Variants in SPG11 observed in about 807,000 individuals in gnomAD.
SPG11 encodes SPG11 vesicle trafficking associated, spatacsin.
In SPG11, 222 loss-of-function variants were observed where a neutral mutation model predicts 274.0. The observed-to-expected ratio is 0.81, with a 90% confidence interval of 0.73 to 0.91. The LOEUF (loss-of-function observed/expected upper bound fraction) is 0.91. Ranked by LOEUF, SPG11 falls within the 40% of genes least tolerant of loss-of-function variation. The pLI, the probability that SPG11 is intolerant of heterozygous loss-of-function variation, is 0.00. For synonymous variants in SPG11, 1,144 were observed against 1,039.7 expected, an observed-to-expected ratio of 1.10 and a Z score of -1.93; for missense variants, 3,114 against 2,872.7, an observed-to-expected ratio of 1.08 and a Z score of -1.92.
intron 28 of SPG11, chr15:44,588,567 C>G (rs1187885996): frequency 1.3e-5 from 4 of 310,192 alleles, no homozygotes; most frequent in African/African-American, 8.8e-5. Context: ...AAACACAAAC[C>G]TTCTCAGAAG....
intron 15 of SPG11, among the ~76,000 whole-genome samples, chr15:44,619,520 C>T (rs1430367568): frequency 6.6e-6 from 1 of 152,146 alleles, no homozygotes; most frequent in African/African-American, 2.4e-5. Flanking sequence ...AGTTCAAGAA[C>T]ATGCACAACA....
At chr15:44,636,940 A>AC (rs1567180487) in intron 7 of SPG11, among the ~76,000 whole-genome samples, 47 of 116,532 alleles carry the variant, frequency 4.0e-4, no homozygotes, top group Non-Finnish European at 4.1e-4. Context: ...AAAAAAAAAA[A>AC]AAAAAAAAAA....
Position 44,563,001 on chromosome 15 carries a change from C to T in SPG11, c.*120G>A, listed in dbSNP as rs1401458382. 1.0e-5 allele frequency: 10 copies of T among 967,290 alleles called. No homozygotes were observed. Among genetic ancestry groups the T allele is most frequent in the East Asian group, 2.6e-5 (1 of 39,066 alleles). The allele number at this position is 967,290 out of a possible 1,614,324, so 59.9% of individuals were successfully genotyped here. A position where few individuals can be genotyped will look rare whatever the true frequency, so the allele number is the denominator to read the frequency against. ...CTTGCTACCTACTACCCACAAAGGA[C>T]TGATATGGTACAGTACCGGGATTGT... On this transcript the variant is annotated 3_prime_UTR_variant, in exon 40 of 40. Transcript: ENST00000261866.
chr15:44,588,554 A>G (rs1264278138), intron 28 of SPG11: 9 of 274,336 alleles, frequency 3.3e-5, no homozygotes, highest in Admixed American at 8.0e-5. Flanking sequence ...AGTTATAGGA[A>G]ATAAACACAA....
chr15:44,577,244 T>C (rs2082558110), intron 30 of SPG11, among the ~76,000 whole-genome samples: 1 of 152,068 alleles, frequency 6.6e-6, no homozygotes, highest in Admixed American at 6.6e-5. Flanking sequence ...GGCTCATGCC[T>C]GTAATCCCAT....
At chr15:44,586,479 T>C (rs2082767670) in intron 28 of SPG11, among the ~76,000 whole-genome samples, 1 of 151,600 alleles carries the variant, frequency 6.6e-6, no homozygotes, top group Admixed American at 6.6e-5. Flanking sequence ...CCGTCTCTAC[T>C]AAAAATACAA....
At chr15:44,597,095 T>G in intron 23 of SPG11, 152 bp from the exon 24 acceptor site, 1 of 718,576 alleles carries the variant, frequency 1.4e-6, no homozygotes, top group South Asian at 1.9e-5. Flanking sequence ...TAGGCTACTT[T>G]GAAAAAAGTA....
chr15:44,660,397 T>G, intron 2 of SPG11, 35 bp downstream of exon 2: 3 of 1,596,550 alleles, frequency 1.9e-6, no homozygotes, highest in Non-Finnish European at 1.7e-6. Context: ...TGTCACAAAT[T>G]TAAATATGCT....
At chr15:44,619,345 T>C (rs774271819) in intron 15 of SPG11, among the ~76,000 whole-genome samples, 1 of 152,248 alleles carries the variant, frequency 6.6e-6, no homozygotes, top group Non-Finnish European at 1.5e-5. Context: ...ATAGATTAAA[T>C]GGAGCCGAAT....
At chr15:44,594,841 C>T (rs2082994353) in intron 26 of SPG11, among the ~76,000 whole-genome samples, 3 of 152,130 alleles carry the variant, frequency 2.0e-5, no homozygotes, top group African/African-American at 7.2e-5. Flanking sequence ...GTTTTTGAGA[C>T]AGTCTTGCCC....
intron 6 of SPG11, 48 bp downstream of exon 6, chr15:44,651,443 A>G (rs759335838): frequency 5.6e-5 from 86 of 1,524,820 alleles, no homozygotes; most frequent in Non-Finnish European, 7.1e-5. Flanking sequence ...ACAGTAGGAA[A>G]GCATACATCT....
chr15:44,607,358 T>C (rs1003142058), intron 19 of SPG11, among the ~76,000 whole-genome samples: 2 of 152,212 alleles, frequency 1.3e-5, no homozygotes, highest in Non-Finnish European at 2.9e-5. Context: ...CTCAGCTTAC[T>C]GCAACTTTCG....
In SPG11 at chr15:44,622,548, TA is replaced by T; in HGVS notation, c.2316+179del. On this transcript the variant is annotated intron_variant, in intron 12 of 39. Transcript: ENST00000261866. ...CACAAATTTTCTTTTGCCACAAATG[TA>T]AAATAGTCATTGAAGAAAGATGAAG... 4 of 742,702 alleles carry T rather than the reference TA, an allele frequency of 5.4e-6. 1 individual carries two copies. The South Asian group carries it at 7.2e-5, about 13-fold the overall frequency. 46.0% of individuals were successfully genotyped at this position (742,702 alleles called of 1,614,324 possible).
chr15:44,578,693 G>A (rs566497610), intron 30 of SPG11, among the ~76,000 whole-genome samples: 11 of 152,308 alleles, frequency 7.2e-5, no homozygotes, highest in East Asian at 3.9e-4. Flanking sequence ...GAATACTACC[G>A]CAAAGGAAAA....
rs191141605 is a variant in SPG11 at position 44,586,500 on chromosome 15, G to C, written c.4907-650C>G. ...CTACTAAAAATACAAAAATTAGCCA[G>C]GCGTGTGGTGGCACACGCCTGTAAT... On this transcript the variant is annotated intron_variant, in intron 28 of 39. Transcript: ENST00000261866. Among the ~76,000 whole-genome samples the C allele has an allele frequency of 2.1e-3, 324 of 152,016 alleles. 2 individuals carry two copies. The highest frequency in any genetic ancestry group is 1.3e-3 in the Non-Finnish European group (90 of 67,958).
chr15:44,599,073 A>C (rs1439663514), intron 21 of SPG11, among the ~76,000 whole-genome samples: 1 of 152,142 alleles, frequency 6.6e-6, no homozygotes, highest in Non-Finnish European at 1.5e-5. Flanking sequence ...GCTTAGTCAT[A>C]GTCTAAACTA....
rs970489557 is a variant in SPG11 at position 44,571,576 on chromosome 15, C to T, written c.6344-918G>A. On this transcript the variant is annotated intron_variant, in intron 33 of 39. Coordinates refer to ENST00000261866, the MANE Select transcript of SPG11 (RefSeq NM_025137.4). ...GCAGCGGCGCCATCTCCACTCACTGCGAGCTCCACCTCCCGGGTTCAGGCC... is the reference window on the plus strand; with the variant it reads ...GCAGCGGCGCCATCTCCACTCACTGTGAGCTCCACCTCCCGGGTTCAGGCC... 3.4e-5 allele frequency among the ~76,000 whole-genome samples: 5 copies of T among 148,990 alleles called. No homozygotes were observed. The South Asian group carries it at 6.4e-4, about 19-fold the overall frequency.
intron 28 of SPG11, among the ~76,000 whole-genome samples, chr15:44,586,268 G>A (rs1392106666): frequency 2.6e-5 from 4 of 152,060 alleles, no homozygotes; most frequent in Non-Finnish European, 1.5e-5. Context: ...AAGCCATAAG[G>A]TAGCTGTATA....
intron 27 of SPG11, among the ~76,000 whole-genome samples, chr15:44,591,122 C>A (rs2082890254): frequency 6.6e-6 from 1 of 152,112 alleles, no homozygotes. Context: ...TCTTAAATTC[C>A]AATAGGACTT....
Sources: allele counts gnomAD v4.1 joint callset (sites outside exome capture counted in the v4.1 genomes callset), GRCh38; gene constraint gnomAD v4.1.1; transcripts MANE v1.5; gene names NCBI Gene and HGNC (gene_info 2026-07-23, HGNC 2026-07-21).